MGRN1: variants seen among roughly 807,000 people sequenced by gnomAD.
MGRN1 encodes the protein E3 ubiquitin-protein ligase MGRN1.
A neutral mutation model predicts 69.2 loss-of-function variants in MGRN1; 29 were observed. That is an observed-to-expected ratio of 0.42 (90% CI 0.31 to 0.57). The LOEUF (loss-of-function observed/expected upper bound fraction) is 0.57, where lower values mean the gene tolerates loss of function less well. Ranked by LOEUF, MGRN1 falls within the 20% of genes least tolerant of loss-of-function variation. MGRN1 has a pLI of 0.15. For missense variants in MGRN1, 998 were observed against 796.2 expected, an observed-to-expected ratio of 1.25 and a Z score of -3.05; for synonymous variants, 470 against 344.2, an observed-to-expected ratio of 1.37 and a Z score of -4.04.
intron 8 of MGRN1, among the ~76,000 whole-genome samples, chr16:4,668,762 T>TGA (rs1555455688): frequency 2.0e-5 from 3 of 149,780 alleles, no homozygotes; most frequent in African/African-American, 7.5e-5. Flanking sequence ...ATATACCCAT[T>TGA]CACACACACA....
intron 8 of MGRN1, among the ~76,000 whole-genome samples, chr16:4,668,597 CACAT>C (rs1478359432): frequency 5.7e-4 from 86 of 151,328 alleles, no homozygotes; most frequent in Admixed American, 1.8e-3. Flanking sequence ...CACTCATACA[CACAT>C]ACACTCACAC....
chr16:4,640,246 C>G (rs993422799), intron 1 of MGRN1: 2 of 152,400 alleles, frequency 1.3e-5, no homozygotes, highest in Non-Finnish European at 2.9e-5. Context: ...GGCTGTCCCC[C>G]TCCCCTGGCC....
In MGRN1 at chr16:4,689,527, GC is replaced by G. The variant is rs1209742179; in HGVS notation, c.*620del. 9 of 152,614 alleles carry G rather than the reference GC, an allele frequency of 5.9e-5. No homozygotes were observed. Among genetic ancestry groups the G allele is most frequent in the Non-Finnish European group, 1.0e-4 (7 of 68,174 alleles). 9.5% of individuals were successfully genotyped at this position (152,614 alleles called of 1,614,324 possible). The stretch of plus-strand genomic sequence containing the variant: ...GGGTGCATGGGTGCCGCCCTGGGCA[GC>G]TAGAGTGTCTCAGCCCGGTGCTGGG... On this transcript the variant is annotated 3_prime_UTR_variant, in exon 17 of 17. Coordinates refer to ENST00000262370, the MANE Select transcript of MGRN1 (RefSeq NM_015246.4).
chr16:4,668,762 TCA>T (rs56203615), intron 8 of MGRN1, among the ~76,000 whole-genome samples: 13 of 149,780 alleles, frequency 8.7e-5, no homozygotes, highest in African/African-American at 1.2e-4. Context: ...ATATACCCAT[TCA>T]CACACACATA....
chr16:4,630,899 C>T (rs1897968249), intron 1 of MGRN1, among the ~76,000 whole-genome samples: 1 of 149,162 alleles, frequency 6.7e-6, no homozygotes, highest in East Asian at 2.0e-4. Flanking sequence ...CTAGCCTTGA[C>T]TTCCTGGCTC....
rs188981993 is a variant in MGRN1, at chr16:4,651,348, G to A, written c.208-615G>A. ...AAAGCAGACCCTGCCTCTGCTACCTGGTGGGGGCGTAGACAATTAATACGG... is the reference window on the plus strand; with the variant it reads ...AAAGCAGACCCTGCCTCTGCTACCTAGTGGGGGCGTAGACAATTAATACGG... On this transcript the variant is annotated intron_variant, in intron 2 of 16. Transcript: ENST00000262370. Among the ~76,000 whole-genome samples the A allele has an allele frequency of 5.6e-4, 85 of 152,280 alleles. No homozygotes were observed. In the Middle Eastern group the frequency reaches 0.02, roughly 37 times the overall value.
At chr16:4,668,489 A>C (rs911757626) in intron 8 of MGRN1, among the ~76,000 whole-genome samples, 177 bp downstream of exon 8, 5 of 151,854 alleles carry the variant, frequency 3.3e-5, no homozygotes, top group African/African-American at 1.2e-4. Context: ...ACATACCATC[A>C]GACACTCACA....
intron 8 of MGRN1, 151 bp from the exon 9 acceptor site, chr16:4,671,240 C>T: frequency 1.5e-6 from 1 of 684,908 alleles, no homozygotes; most frequent in Non-Finnish European, 2.5e-6. Context: ...GCAGGTTTTC[C>T]CTGCCCTTCT....
At position 4,657,361 on chromosome 16, in the gene MGRN1, G is replaced by C. The variant is rs549665666; in HGVS notation, c.559G>C (p.Glu187Gln). 34 of 1,613,476 alleles carry C rather than the reference G, an allele frequency of 2.1e-5. No homozygotes were observed. The highest frequency in any genetic ancestry group is 2.6e-5 in the Non-Finnish European group (31 of 1,179,552). ...TGACTTCTCGGAATGGAAGGATGAC[G>C]AGGTAATGCTGGCTGGGCGGCTCCT... ...KIDFSEWKDD[E>Q]LNFDLDRGVF... The change falls in exon 5 of 17, where the codon GAG becomes CAG. Residue 187 changes from glutamate (E) to glutamine (Q), a missense_variant and splice_region_variant. By Grantham distance (29) the Glu-to-Gln change is conservative (BLOSUM62 2). Transcript: ENST00000262370.
chr16:4,639,990 T>C (rs532243882), intron 1 of MGRN1: 1 of 152,452 alleles, frequency 6.6e-6, no homozygotes, highest in Admixed American at 6.5e-5. Context: ...AGTCCGTCTG[T>C]GCACTCAGAT....
chr16:4,677,486 C>T lies in MGRN1; in HGVS notation c.979C>T (p.Arg327Trp), dbSNP rs1418934993. The T allele has an allele frequency of 5.1e-6, 8 of 1,582,954 alleles. No homozygotes were observed. Among genetic ancestry groups the T allele is most frequent in the Non-Finnish European group, 6.8e-6 (8 of 1,170,138 alleles). Residue 327 changes from arginine (R) to tryptophan (W), a missense_variant, in exon 11 of 17, where the codon CGG (arginine) becomes TGG (tryptophan). By Grantham distance (101) the Arg-to-Trp change is moderately radical. Coordinates refer to ENST00000262370, the MANE Select transcript of MGRN1 (RefSeq NM_015246.4). ...RLPFRALLQI[R>W]AVRKKPGALS... ...AGCTTTCCGGGCCCTCCTGCAGATC[C>T]GGGCGGTGCGGAAGAAGCCAGGAGC...
chr16:4,635,977 T>G (rs536957119), intron 1 of MGRN1, among the ~76,000 whole-genome samples: 1 of 151,392 alleles, frequency 6.6e-6, no homozygotes, highest in South Asian at 2.1e-4. Context: ...TGTTTTTTTT[T>G]TTTAAGTAGA....
chr16:4,632,105 C>T (rs1331318535), intron 1 of MGRN1, among the ~76,000 whole-genome samples: 1 of 145,186 alleles, frequency 6.9e-6, no homozygotes, highest in Non-Finnish European at 1.5e-5. Flanking sequence ...ACCTCTGCCT[C>T]GCAGGTTCAA....
At chr16:4,634,412 G>C (rs1427786066) in intron 1 of MGRN1, 1 of 152,574 alleles carries the variant, frequency 6.6e-6, no homozygotes, top group African/African-American at 2.4e-5. Context: ...GTGCCGCCTG[G>C]GTCCGACATT....
intron 4 of MGRN1, among the ~76,000 whole-genome samples, chr16:4,656,533 G>C (rs2078542166): frequency 6.6e-6 from 1 of 152,224 alleles, no homozygotes; most frequent in Non-Finnish European, 1.5e-5. Flanking sequence ...CAGGCGTGAG[G>C]GTTGGGGAAG....
intron 10 of MGRN1, among the ~76,000 whole-genome samples, chr16:4,674,621 C>CTTTT (rs2079014394): frequency 1.8e-4 from 11 of 59,812 alleles, no homozygotes; most frequent in African/African-American, 5.9e-4. Flanking sequence ...CTTTTCTTTT[C>CTTTT]TTTTCTTTTT....
chr16:4,660,677 C>T (rs1432170895), intron 5 of MGRN1, among the ~76,000 whole-genome samples: 3 of 152,240 alleles, frequency 2.0e-5, no homozygotes, highest in Admixed American at 6.5e-5. Context: ...GAGTGGCTGC[C>T]GGTGCGCGAA....
rs149095028 is a variant in MGRN1 at position 4,679,905 on chromosome 16, G to A, written c.1066-127G>A. On this transcript the variant is annotated intron_variant, in intron 11 of 16. Coordinates refer to ENST00000262370, the MANE Select transcript of MGRN1 (RefSeq NM_015246.4). ...CACTTAGGACAGTCCCGAGATTCACGTCCCCCGGAAGCTTGTGAAGTTCTG... is the reference window on the plus strand; with the variant it reads ...CACTTAGGACAGTCCCGAGATTCACATCCCCCGGAAGCTTGTGAAGTTCTG... 4,556 of 887,302 alleles carry A rather than the reference G, an allele frequency of 5.1e-3. 22 individuals are homozygous for A. Among genetic ancestry groups the A allele is most frequent in the Middle Eastern group, 9.2e-3 (28 of 3,040 alleles). 55.0% of individuals were successfully genotyped at this position (887,302 alleles called of 1,614,324 possible). A position where few individuals can be genotyped will look rare whatever the true frequency, so the allele number is the denominator to read the frequency against.
intron 13 of MGRN1, among the ~76,000 whole-genome samples, chr16:4,682,125 G>C (rs963666973): frequency 6.6e-6 from 1 of 152,200 alleles, no homozygotes; most frequent in African/African-American, 2.4e-5. Flanking sequence ...ACTTCATTGG[G>C]GGGCTGGCCA....
Sources: gnomAD v4.1 joint callset for allele counts (sites outside exome capture counted in the v4.1 genomes callset) on GRCh38, gnomAD v4.1.1 for gene constraint, MANE v1.5 for transcripts, NCBI Gene and HGNC (gene_info 2026-07-23, HGNC 2026-07-21) for gene names.